Variants in VWA8 observed in about 807,000 individuals in gnomAD.
The protein encoded by VWA8 is von Willebrand factor A domain-containing protein 8.
In VWA8, 221 loss-of-function variants were observed where a neutral mutation model predicts 241.5. The ratio of observed to expected loss-of-function variants is 0.91; its 90% CI spans 0.82 to 1.02. The LOEUF (loss-of-function observed/expected upper bound fraction) is 1.02. VWA8 is among the 50% of genes least tolerant of loss of function. VWA8 has a pLI of 0.00. For missense variants in VWA8, 2,322 were observed against 2,328.7 expected, an observed-to-expected ratio of 1.00 and a Z score of 0.06; for synonymous variants, 852 against 827.1, an observed-to-expected ratio of 1.03 and a Z score of -0.52.
At chr13:41,701,136 G>A (rs2045246598) in intron 28 of VWA8, among the ~76,000 whole-genome samples, 3 of 152,170 alleles carry the variant, frequency 2.0e-5, no homozygotes, top group Admixed American at 6.5e-5. Context: ...GCCTGGGTGT[G>A]TTTAACTTTG....
chr13:41,591,190 C>A (rs2044452238), intron 40 of VWA8, among the ~76,000 whole-genome samples: 1 of 152,130 alleles, frequency 6.6e-6, no homozygotes, highest in African/African-American at 2.4e-5. Context: ...GAGTTTGTTA[C>A]TCAAGTTCTC....
At chr13:41,902,972 C>T (rs970769873) in intron 4 of VWA8, among the ~76,000 whole-genome samples, 4 of 152,130 alleles carry the variant, frequency 2.6e-5, no homozygotes, top group African/African-American at 9.7e-5. Context: ...CTATATTGGG[C>T]CATCAAGTTA....
At position 41,681,696 on chromosome 13, in the gene VWA8, T is replaced by G. The variant is rs375950045; in HGVS notation, c.4327+3351A>C. 1.2e-4 allele frequency among the ~76,000 whole-genome samples: 19 copies of G among 152,238 alleles called. 1 individual carries two copies. In the East Asian group the frequency reaches 3.3e-3, roughly 26 times the overall value. Reference sequence around the variant, plus strand: ...TTTAAACTTTTGTAGGCCTGAGATATTTTGTGAAAAATTAAAATACACATG... The same window carrying G: ...TTTAAACTTTTGTAGGCCTGAGATAGTTTGTGAAAAATTAAAATACACATG... On this transcript the variant is annotated intron_variant, in intron 35 of 44. Transcript: ENST00000379310.
intron 1 of VWA8, among the ~76,000 whole-genome samples, chr13:41,957,961 G>T (rs531709915): frequency 2.6e-5 from 4 of 152,254 alleles, no homozygotes; most frequent in African/African-American, 9.6e-5. Flanking sequence ...GAAACAACTT[G>T]CTTGGCTCCA....
chr13:41,617,002 A>G (rs988023426), intron 37 of VWA8, among the ~76,000 whole-genome samples: 2 of 152,202 alleles, frequency 1.3e-5, no homozygotes, highest in Non-Finnish European at 2.9e-5. Flanking sequence ...AGTGGCTCAC[A>G]CCTGCAATCC....
At chr13:41,946,196 G>A (rs1877841789) in intron 2 of VWA8, among the ~76,000 whole-genome samples, 1 of 148,676 alleles carries the variant, frequency 6.7e-6, no homozygotes. Context: ...AAGGAGAAAT[G>A]AAGACATTTC....
At position 41,581,015 on chromosome 13, in the gene VWA8, T is replaced by TTTTA. The variant is rs1566375362; in HGVS notation, c.5272-5178_5272-5177insTAAA. The stretch of plus-strand genomic sequence containing the variant: ...ATTTTATTTTATTTTATTTTATTTT[T>TTTTA]TTTTGAGACGGAGTCTCGCTGTCGT... On this transcript the variant is annotated intron_variant, in intron 42 of 44. Transcript: ENST00000379310. Among the ~76,000 whole-genome samples the TTTTA allele has an allele frequency of 9.2e-5, 7 of 76,074 alleles. 3 individuals are homozygous for TTTTA. Among genetic ancestry groups the TTTTA allele is most frequent in the African/African-American group, 8.9e-4 (7 of 7,874 alleles). 49.9% of individuals were successfully genotyped at this position (76,074 alleles called of 152,430 possible).
At chr13:41,714,758 G>A (rs547293966) in intron 26 of VWA8, among the ~76,000 whole-genome samples, 63 of 151,984 alleles carry the variant, frequency 4.1e-4, no homozygotes, top group African/African-American at 5.8e-4. Context: ...TATCTGCTTC[G>A]TGGTTACTCT....
At chr13:41,799,220 C>T (rs187449868) in intron 17 of VWA8, among the ~76,000 whole-genome samples, 68 of 152,144 alleles carry the variant, frequency 4.5e-4, no homozygotes, top group Non-Finnish European at 7.5e-4. Flanking sequence ...TTTACAATGA[C>T]CAAATATTCA....
At chr13:41,784,721 TATATATATACACACAC>T (rs1411043073) in intron 18 of VWA8, among the ~76,000 whole-genome samples, 5 of 64,526 alleles carry the variant, frequency 7.7e-5, no homozygotes, top group Non-Finnish European at 1.1e-4. Flanking sequence ...TATATATATA[TATATATATACACACAC>T]ATATATATAT....
intron 30 of VWA8, among the ~76,000 whole-genome samples, chr13:41,692,325 C>A (rs751404919): frequency 2.0e-5 from 3 of 151,872 alleles, no homozygotes; most frequent in Non-Finnish European, 2.9e-5. Flanking sequence ...CTTTTAAGAC[C>A]TAAGTATGTT....
At chr13:41,847,109 G>A (rs1872323686) in intron 12 of VWA8, among the ~76,000 whole-genome samples, 2 of 152,202 alleles carry the variant, frequency 1.3e-5, no homozygotes, top group East Asian at 3.9e-4. Flanking sequence ...GAGAAAGAGA[G>A]AGAACCAGCC....
chr13:41,729,998 A>T (rs939841160), intron 22 of VWA8, among the ~76,000 whole-genome samples: 2 of 152,248 alleles, frequency 1.3e-5, no homozygotes, highest in African/African-American at 4.8e-5. Context: ...CAAGAGTAGG[A>T]GAGATGTAAA....
chr13:41,753,123 T>C (rs1361992128), intron 21 of VWA8, among the ~76,000 whole-genome samples: 1 of 152,136 alleles, frequency 6.6e-6, no homozygotes, highest in African/African-American at 2.4e-5. Flanking sequence ...CTGAATAGTC[T>C]GGAGTAAATT....
At chr13:41,790,024 A>T (rs1224845751) in intron 17 of VWA8, among the ~76,000 whole-genome samples, 1 of 152,186 alleles carries the variant, frequency 6.6e-6, no homozygotes, top group African/African-American at 2.4e-5. Context: ...GTTTGAAGGT[A>T]TTTTATTTAG....
At chr13:41,714,875 TCCAAGTTGGTTACTTAAAATC>T (rs1382521524) in intron 26 of VWA8, among the ~76,000 whole-genome samples, 31 of 151,952 alleles carry the variant, frequency 2.0e-4, no homozygotes, top group African/African-American at 7.2e-4. Context: ...AATGATGAGT[TCCAAGTTGGTTACTTAAAATC>T]CCAAGGTCCT....
At chr13:41,612,647 G>T (rs942640826) in intron 38 of VWA8, among the ~76,000 whole-genome samples, 1 of 152,124 alleles carries the variant, frequency 6.6e-6, no homozygotes, top group Non-Finnish European at 1.5e-5. Flanking sequence ...CTATAAGATT[G>T]TTACCCCTAT....
chr13:41,730,474 C>T (rs1386420509), intron 22 of VWA8, among the ~76,000 whole-genome samples: 5 of 149,034 alleles, frequency 3.4e-5, no homozygotes, highest in African/African-American at 1.2e-4. Context: ...GTTTGGGAAT[C>T]TGATTTGAGG....
chr13:41,800,132 G>A (rs756071700), intron 17 of VWA8, among the ~76,000 whole-genome samples: 3 of 152,100 alleles, frequency 2.0e-5, no homozygotes, highest in Non-Finnish European at 4.4e-5. Flanking sequence ...TCTTTTTGTT[G>A]CTAACATTTC....
Sources: allele counts gnomAD v4.1 joint callset (sites outside exome capture counted in the v4.1 genomes callset), GRCh38; gene constraint gnomAD v4.1.1; transcripts MANE v1.5; gene names NCBI Gene and HGNC (gene_info 2026-07-23, HGNC 2026-07-21).